EPHB1: variants seen among roughly 807,000 people sequenced by gnomAD.
EPHB1 encodes the protein EPH receptor B1.
A neutral mutation model predicts 94.4 loss-of-function variants in EPHB1; 30 were observed. The ratio of observed to expected loss-of-function variants is 0.32; its 90% CI spans 0.24 to 0.43. The LOEUF (loss-of-function observed/expected upper bound fraction) is 0.43. EPHB1 is among the 20% of genes least tolerant of loss of function. The probability of loss-of-function intolerance (pLI) is 1.00; values close to 1 mark genes in which losing one functional copy is unlikely to be tolerated. For synonymous variants in EPHB1, 522 were observed against 489.1 expected (o/e 1.07, Z -0.89); for missense variants, 1,055 against 1,308.3 (o/e 0.81, Z 2.99).
At chr3:134,934,411 G>A (rs1046677171) in intron 2 of EPHB1, among the ~76,000 whole-genome samples, 4 of 152,150 alleles carry the variant, frequency 2.6e-5, no homozygotes, top group Non-Finnish European at 4.4e-5. Flanking sequence ...ATGCTGCTCT[G>A]GGAAGAGACT....
chr3:135,217,249 G>A (rs1236150418), intron 12 of EPHB1, among the ~76,000 whole-genome samples: 2 of 152,106 alleles, frequency 1.3e-5, no homozygotes, highest in East Asian at 3.9e-4. Context: ...GGGCAGTGCT[G>A]AGGATAGGCA....
chr3:135,014,050 G>GGGA (rs1434497223), intron 3 of EPHB1, among the ~76,000 whole-genome samples: 1 of 152,140 alleles, frequency 6.6e-6, no homozygotes, highest in Admixed American at 6.5e-5. Context: ...CTGGGTTATT[G>GGGA]GGAGGAGGAG....
intron 3 of EPHB1, among the ~76,000 whole-genome samples, chr3:135,058,172 A>C (rs1472862584): frequency 6.6e-6 from 1 of 152,200 alleles, no homozygotes; most frequent in Non-Finnish European, 1.5e-5. Context: ...TGGAGCCATG[A>C]GCTTCTGGGT....
rs746287954 is a variant in EPHB1 at position 135,132,662 on chromosome 3, G to A, written c.962-52G>A. The A allele has an allele frequency of 1.1e-4, 164 of 1,477,308 alleles. No individual in the cohort carries two copies. In the Middle Eastern group the frequency reaches 1.9e-3, roughly 17 times the overall value. 91.5% of individuals were successfully genotyped at this position (1,477,308 alleles called of 1,614,324 possible). On this transcript the variant is annotated intron_variant, in intron 4 of 15. Transcript: ENST00000398015. ...ACCAGAGGCAGACAAGAGAGCTGCC[G>A]GACAAGGAAGCTTATGTCTAGCCTC...
At chr3:135,181,278 C>G (rs562828371) in intron 10 of EPHB1, among the ~76,000 whole-genome samples, 1 of 152,226 alleles carries the variant, frequency 6.6e-6, no homozygotes, top group South Asian at 2.1e-4. Flanking sequence ...CCGCCAACCC[C>G]TCAGGAGTTT....
At chr3:135,153,052 A>C (rs1941241797) in intron 5 of EPHB1, among the ~76,000 whole-genome samples, 1 of 152,182 alleles carries the variant, frequency 6.6e-6, no homozygotes, top group Admixed American at 6.5e-5. Context: ...GGCTGCATGT[A>C]GTAGGGACTC....
At chr3:135,123,838 T>C (rs1202877658) in intron 4 of EPHB1, among the ~76,000 whole-genome samples, 1 of 151,702 alleles carries the variant, frequency 6.6e-6, no homozygotes, top group Non-Finnish European at 1.5e-5. Context: ...GCTGATGTCA[T>C]TCTGGCCCAA....
chr3:134,951,002 C>T lies in EPHB1; in HGVS notation c.124-369C>T, dbSNP rs528204913. Among the ~76,000 whole-genome samples the T allele has an allele frequency of 3.3e-5, 5 of 152,254 alleles. No individual in the cohort carries two copies. In the South Asian group the frequency reaches 8.3e-4, roughly 25 times the overall value. ...ATTGGACCCCCAATCCACAGATTGG[C>T]TTTTAGAGCAGGTACTGTGGAAGTG... On this transcript the variant is annotated intron_variant, in intron 2 of 15. Transcript: ENST00000398015. The surrounding 1 kb of genome is among the most constrained non-coding windows in gnomAD (Gnocchi z 4.5).
intron 1 of EPHB1, among the ~76,000 whole-genome samples, chr3:134,890,133 C>G (rs558436913): frequency 3.3e-5 from 5 of 152,162 alleles, no homozygotes; most frequent in African/African-American, 1.2e-4. Context: ...CACTACCCCC[C>G]CTTCCACCAG....
At chr3:135,124,191 T>C (rs1940100335) in intron 4 of EPHB1, among the ~76,000 whole-genome samples, 1 of 151,730 alleles carries the variant, frequency 6.6e-6, no homozygotes, top group Non-Finnish European at 1.5e-5. Context: ...GCCGGTCCTT[T>C]GGGCTGGGGA....
chr3:134,852,100 G>A (rs973550436), intron 1 of EPHB1, among the ~76,000 whole-genome samples: 2 of 152,120 alleles, frequency 1.3e-5, no homozygotes, highest in African/African-American at 4.8e-5. Flanking sequence ...CCCACCTCGG[G>A]GCGTATTTCT....
At chr3:134,864,346 G>T (rs1301130691) in intron 1 of EPHB1, among the ~76,000 whole-genome samples, 1 of 152,208 alleles carries the variant, frequency 6.6e-6, no homozygotes, top group African/African-American at 2.4e-5. Context: ...AAAGGGGCTA[G>T]CCTGTTTTCT....
chr3:135,123,303 A>G (rs956503044), intron 4 of EPHB1, among the ~76,000 whole-genome samples: 3 of 152,318 alleles, frequency 2.0e-5, no homozygotes, highest in South Asian at 4.1e-4. Flanking sequence ...GTAATCCACA[A>G]AATACCTAAG....
At chr3:134,917,775 A>G (rs1442301800) in intron 1 of EPHB1, among the ~76,000 whole-genome samples, 1 of 152,240 alleles carries the variant, frequency 6.6e-6, no homozygotes, top group African/African-American at 2.4e-5. Context: ...ACTGGCCATG[A>G]CCACACATCA....
intron 2 of EPHB1, among the ~76,000 whole-genome samples, chr3:134,934,669 A>G (rs2038966874): frequency 7.9e-6 from 1 of 127,032 alleles, no homozygotes; most frequent in Admixed American, 1.1e-4. Flanking sequence ...TATATTGGAT[A>G]TGACTTTGTG....
intron 10 of EPHB1, among the ~76,000 whole-genome samples, chr3:135,181,946 A>C (rs1942164845): frequency 6.6e-6 from 1 of 152,222 alleles, no homozygotes; most frequent in Non-Finnish European, 1.5e-5. Context: ...GATGCCCAGT[A>C]GCATGACATA....
intron 1 of EPHB1, among the ~76,000 whole-genome samples, chr3:134,876,026 T>G (rs188575111): frequency 6.6e-6 from 1 of 152,316 alleles, no homozygotes; most frequent in East Asian, 1.9e-4. Context: ...CTGAGTCGTG[T>G]GCTAGGTAGG....
Position 135,245,325 on chromosome 3 carries a change from T to C in EPHB1, c.2497-2991T>C, listed in dbSNP as rs184915306. On this transcript the variant is annotated intron_variant, in intron 13 of 15. Coordinates refer to ENST00000398015, the MANE Select transcript of EPHB1 (RefSeq NM_004441.5). The stretch of plus-strand genomic sequence containing the variant: ...TCTATAGGTAATAAGAAATGGAACT[T>C]GGATTTGAAACCAGCCTTCCAAGGT... Among the ~76,000 whole-genome samples the C allele has an allele frequency of 2.1e-3, 316 of 152,250 alleles. 1 individual carries two copies. The highest frequency in any genetic ancestry group is 7.3e-3 in the African/African-American group (305 of 41,518).
chr3:135,141,451 T>G (rs1292790646), intron 5 of EPHB1, among the ~76,000 whole-genome samples: 1 of 152,190 alleles, frequency 6.6e-6, no homozygotes, highest in East Asian at 1.9e-4. Context: ...TGTCCTCTGC[T>G]ATAAGGTGTC....
Sources: allele counts gnomAD v4.1 joint callset (sites outside exome capture counted in the v4.1 genomes callset), GRCh38; gene constraint gnomAD v4.1.1; non-coding constraint Gnocchi (gnomAD v3.1); transcripts MANE v1.5; gene names NCBI Gene and HGNC (gene_info 2026-07-23, HGNC 2026-07-21).